COL4A2: variants seen among roughly 807,000 people sequenced by gnomAD.
COL4A2 encodes collagen alpha-2(IV) chain.
Under a neutral mutation model 200.2 loss-of-function variants are expected in COL4A2, and 99 were observed. The observed-to-expected ratio is 0.49, with a 90% CI of 0.42 to 0.58. The LOEUF (loss-of-function observed/expected upper bound fraction) is 0.58. Among genes scored for constraint, COL4A2 ranks in the 20% least tolerant of loss-of-function variants. The probability of loss-of-function intolerance (pLI) is 0.00; values close to 1 mark genes in which losing one functional copy is unlikely to be tolerated. For synonymous variants in COL4A2, 897 were observed against 900.6 expected (o/e 1.00, Z 0.07); for missense variants, 1,950 against 2,314.1 (o/e 0.84, Z 3.23).
Position 110,425,994 on chromosome 13 carries a change from C to T in COL4A2, c.360+997C>T, listed in dbSNP as rs185396109. 5.6e-3 allele frequency among the ~76,000 whole-genome samples: 852 copies of T among 152,308 alleles called. 23 individuals carry two copies. Among genetic ancestry groups the T allele is most frequent in the Non-Finnish European group, 1.3e-3 (88 of 68,030 alleles). On this transcript the variant is annotated intron_variant, in intron 6 of 47. Transcript: ENST00000360467. The stretch of plus-strand genomic sequence containing the variant: ...TGCAAGCCAGTGATCTCGGGGCTAC[C>T]TGAATGGTAGGCTCAAACAGGCACT...
intron 4 of COL4A2, among the ~76,000 whole-genome samples, chr13:110,378,088 T>C (rs1878317329): frequency 6.6e-6 from 1 of 152,182 alleles, no homozygotes; most frequent in Non-Finnish European, 1.5e-5. Flanking sequence ...AGCCCAGGCG[T>C]CTCGAATCGA....
chr13:110,367,965 C>T (rs960104659), intron 4 of COL4A2, among the ~76,000 whole-genome samples: 16 of 152,196 alleles, frequency 1.1e-4, no homozygotes, highest in Non-Finnish European at 2.1e-4. Flanking sequence ...ATAAGCAGTC[C>T]AGAAAATTCA....
intron 3 of COL4A2, among the ~76,000 whole-genome samples, chr13:110,318,091 G>A (rs969689433): frequency 7.9e-5 from 12 of 152,182 alleles, no homozygotes; most frequent in African/African-American, 2.9e-4. Context: ...CAGCGACTGG[G>A]AAAAGTCACT....
In COL4A2 at chr13:110,429,905, G is replaced by A. The variant is rs1880611950; in HGVS notation, c.498G>A (p.Gly166=). 6.2e-7 allele frequency: 1 copy of A among 1,612,874 alleles called. No homozygotes were observed. Among genetic ancestry groups the A allele is most frequent in the East Asian group, 2.2e-5 (1 of 44,754 alleles). The change falls in exon 8 of 48, where the codon GGG becomes GGA. Residue 166 remains glycine (G), a synonymous_variant. Transcript: ENST00000360467. The stretch of plus-strand genomic sequence containing the variant: ...ATTAGGGGCCCCAAGGACCAAAAGG[G>A]CAGAAAGGTGAGCCTTATGCACTGC... ...TGPPGPQGPK[G]QKGEPYALPK...
intron 40 of COL4A2, 46 bp from the exon 41 acceptor site, chr13:110,501,622 G>C (rs1275606728): frequency 6.6e-7 from 1 of 1,505,144 alleles, no homozygotes; most frequent in Non-Finnish European, 9.3e-7. Context: ...GATTTGAAAA[G>C]TTGGGTGCTA....
intron 3 of COL4A2, chr13:110,328,397 G>T (rs1280620379): frequency 1.3e-5 from 2 of 152,134 alleles, no homozygotes; most frequent in Admixed American, 1.3e-4. Flanking sequence ...GCTTGGCATG[G>T]GAGAAGAGAC....
Position 110,430,413 on chromosome 13 carries a change from G to C in COL4A2, c.562G>C (p.Glu188Gln), listed in dbSNP as rs770721562. ...TCTTCTCCATTAGGGTGAACCTGGA[G>C]AGCCTGGATTGGTCGGTTTCCAGGT... ...ERDRYRGEPG[E>Q]PGLVGFQGPP... Residue 188 changes from glutamate to glutamine, a missense_variant, in exon 9 of 48, where the codon GAG becomes CAG. Transcript: ENST00000360467. The C allele has an allele frequency of 4.3e-6, 7 of 1,613,990 alleles. No homozygotes were observed. The highest frequency in any genetic ancestry group is 5.9e-6 in the Non-Finnish European group (7 of 1,180,024).
intron 3 of COL4A2, among the ~76,000 whole-genome samples, chr13:110,339,424 G>A (rs763224421): frequency 1.9e-4 from 29 of 152,244 alleles, no homozygotes; most frequent in East Asian, 3.9e-4. Context: ...GAAGAATGTC[G>A]TGGGAGCAGG....
intron 36 of COL4A2, 119 bp downstream of exon 36, chr13:110,489,904 G>A: frequency 9.5e-7 from 1 of 1,047,666 alleles, no homozygotes; most frequent in Non-Finnish European, 1.4e-6. Flanking sequence ...GATAGTGAAT[G>A]AGGTCTTCAA....
intron 3 of COL4A2, among the ~76,000 whole-genome samples, chr13:110,338,860 T>C (rs973050564): frequency 3.3e-5 from 5 of 152,238 alleles, no homozygotes; most frequent in Non-Finnish European, 7.3e-5. Flanking sequence ...ACAACGCTTG[T>C]GGAGTAAGGA....
At chr13:110,453,293 G>A (rs1279300040) in intron 20 of COL4A2, among the ~76,000 whole-genome samples, 1 of 152,054 alleles carries the variant, frequency 6.6e-6, no homozygotes, top group Non-Finnish European at 1.5e-5. Flanking sequence ...CCTGAGGTCG[G>A]GAGTTCGAGA....
intron 3 of COL4A2, among the ~76,000 whole-genome samples, chr13:110,315,791 A>T (rs1451153819): frequency 6.6e-6 from 1 of 152,172 alleles, no homozygotes; most frequent in Non-Finnish European, 1.5e-5. Flanking sequence ...CCCTCATGGA[A>T]TGATTCATGG....
At chr13:110,371,482 G>A (rs138900943) in intron 4 of COL4A2, among the ~76,000 whole-genome samples, 1 of 152,242 alleles carries the variant, frequency 6.6e-6, no homozygotes, top group African/African-American at 2.4e-5. Flanking sequence ...AACCTCCAGT[G>A]CTCAACATAG....
intron 16 of COL4A2, among the ~76,000 whole-genome samples, chr13:110,441,269 T>G (rs960133196): frequency 2.6e-5 from 4 of 152,176 alleles, no homozygotes; most frequent in African/African-American, 4.8e-5. Context: ...TCGGCAGGCC[T>G]GGTGGGGGTT....
intron 24 of COL4A2, chr13:110,462,918 C>T (rs1566547984): frequency 6.4e-6 from 1 of 156,014 alleles, no homozygotes; most frequent in Non-Finnish European, 1.4e-5. Flanking sequence ...GCCTTTCCCA[C>T]TGCCAGCTCT....
chr13:110,418,249 G>A (rs1880120629), intron 4 of COL4A2, among the ~76,000 whole-genome samples: 1 of 152,120 alleles, frequency 6.6e-6, no homozygotes, highest in Non-Finnish European at 1.5e-5. Context: ...AGTTTTGAGA[G>A]TTCTTTATAT....
At chr13:110,341,475 C>T (rs1440799473) in intron 3 of COL4A2, among the ~76,000 whole-genome samples, 1 of 152,210 alleles carries the variant, frequency 6.6e-6, no homozygotes, top group African/African-American at 2.4e-5. Context: ...TTGTCTTCTC[C>T]CAAGGACAAG....
intron 7 of COL4A2, chr13:110,429,451 CTGTTT>C (rs2139458260): frequency 5.8e-6 from 1 of 171,020 alleles, no homozygotes; most frequent in Non-Finnish European, 1.3e-5. Context: ...TATATGCCTA[CTGTTT>C]ATATTTGACA....
rs776481472 is a variant in COL4A2, at chr13:110,385,224, T to G, written c.180+27672T>G. Among the ~76,000 whole-genome samples the G allele has an allele frequency of 4.2e-4, 63 of 151,476 alleles. 1 individual carries two copies. Among genetic ancestry groups the G allele is most frequent in the Admixed American group, 8.5e-4 (13 of 15,210 alleles). ...TTGCAGTGAGCCAAGATCACACCAC[T>G]GCACTCCAGCCTGGGCAACAGAGTG... On this transcript the variant is annotated intron_variant, in intron 4 of 47. Coordinates refer to ENST00000360467, the MANE Select transcript of COL4A2 (RefSeq NM_001846.4).
Sources: allele counts gnomAD v4.1 joint callset (sites outside exome capture counted in the v4.1 genomes callset), GRCh38; gene constraint gnomAD v4.1.1; transcripts MANE v1.5; gene names NCBI Gene and HGNC (gene_info 2026-07-23, HGNC 2026-07-21).